The following GSTA2 variants were observed in gnomAD, a reference collection of about 807,000 sequenced individuals.
GSTA2 encodes glutathione S-transferase A2.
Under a neutral mutation model 22.4 loss-of-function variants are expected in GSTA2, and 27 were observed. The observed-to-expected ratio is 1.21, with a 90% CI of 0.89 to 1.67. The LOEUF is 1.67. Among genes scored for constraint, GSTA2 ranks in the 40% most tolerant of loss-of-function variants. GSTA2 has a pLI of 0.00. For synonymous variants in GSTA2, 121 were observed against 86.8 expected (o/e 1.39, Z -2.19); for missense variants, 302 against 260.2 (o/e 1.16, Z -1.11).
chr6:52,751,505 C>T (rs1175672015), intron 6 of GSTA2, 72 bp downstream of exon 6: 1 of 1,609,164 alleles, frequency 6.2e-7, no homozygotes, highest in Non-Finnish European at 8.5e-7. Flanking sequence ...ATGCTCAGTC[C>T]CAGGGCCCAG....
intron 1 of GSTA2, among the ~76,000 whole-genome samples, chr6:52,760,477 G>A (rs1407265624): frequency 6.6e-6 from 1 of 152,088 alleles, no homozygotes; most frequent in East Asian, 1.9e-4. Flanking sequence ...TCAATATCTA[G>A]GGAGTGTGTT....
At chr6:52,751,427 T>C (rs1204856206) in intron 6 of GSTA2, 150 bp downstream of exon 6, 5 of 1,514,858 alleles carry the variant, frequency 3.3e-6, no homozygotes, top group Admixed American at 2.1e-5. Flanking sequence ...TTCCTCAAAA[T>C]TGGAGCCTGG....
chr6:52,751,933 C>T (rs1214649594), intron 5 of GSTA2, among the ~76,000 whole-genome samples: 1 of 152,198 alleles, frequency 6.6e-6, no homozygotes, highest in African/African-American at 2.4e-5. Context: ...TCTTCTCATC[C>T]ACATCACTGT....
intron 1 of GSTA2, among the ~76,000 whole-genome samples, chr6:52,762,085 A>G (rs1445191326): frequency 6.6e-6 from 1 of 152,210 alleles, no homozygotes; most frequent in Non-Finnish European, 1.5e-5. Flanking sequence ...AGTCATCACT[A>G]TTCAGTAATG....
chr6:52,755,056 C>T lies in GSTA2; in HGVS notation c.159G>A (p.Gln53=), dbSNP rs1762815054. ...KLRNDGYLMF[Q]QVPMVEIDGM... ...CATCAATCTCAACCATTGGCACTTG[C>T]TGGAACATCAAATATCCATCTTTAA... The change falls in exon 4 of 7, where the codon CAG becomes CAA. Residue 53 remains glutamine, a synonymous_variant. Coordinates refer to ENST00000493422, the MANE Select transcript of GSTA2 (RefSeq NM_000846.5). 27 of 1,613,778 alleles carry T rather than the reference C, an allele frequency of 1.7e-5. No homozygotes were observed. Among genetic ancestry groups the T allele is most frequent in the Non-Finnish European group, 2.2e-5 (26 of 1,179,992 alleles).
rs952808489 is a variant in GSTA2 at position 52,752,766 on chromosome 6, G to A, written c.414+88C>T. 10 of 1,522,662 alleles carry A rather than the reference G, an allele frequency of 6.6e-6. No homozygotes were observed. In the African/African-American group the frequency reaches 9.6e-5, roughly 15 times the overall value. The allele number at this position is 1,522,662 out of a possible 1,614,324, so 94.3% of individuals were successfully genotyped here. On this transcript the variant is annotated intron_variant, in intron 5 of 6. Transcript: ENST00000493422. The stretch of plus-strand genomic sequence containing the variant: ...GTGTCCAGGAAGTATCACTGAAAGT[G>A]AAGATCAGTGCCCCAGGAATGCCCA...
At chr6:52,760,630 G>C (rs139420805) in intron 1 of GSTA2, among the ~76,000 whole-genome samples, 2 of 152,056 alleles carry the variant, frequency 1.3e-5, no homozygotes, top group Non-Finnish European at 2.9e-5. Context: ...TTGCAGGTCC[G>C]GAGCTTTTCC....
chr6:52,753,899 C>T (rs1245921383), intron 4 of GSTA2, among the ~76,000 whole-genome samples: 2 of 152,170 alleles, frequency 1.3e-5, no homozygotes, highest in Non-Finnish European at 1.5e-5. Flanking sequence ...CTCCTTTAGC[C>T]CCAGGCAATC....
At position 52,754,984 on chromosome 6, in the gene GSTA2, G is replaced by T. The variant is rs1271215122; in HGVS notation, c.231C>A (p.Ser77Arg). 6.2e-7 allele frequency: 1 copy of T among 1,614,032 alleles called. No homozygotes were observed. Among genetic ancestry groups the T allele is most frequent in the South Asian group, 1.1e-5 (1 of 91,078 alleles). The change falls in exon 4 of 7, where the codon AGC (serine) becomes AGA (arginine). Residue 77 changes from serine (S) to arginine (R), a missense_variant. Transcript: ENST00000493422. The stretch of plus-strand genomic sequence containing the variant: ...TGTCTTTCCCATAGAGGTTGTATTT[G>T]CTGGCAATGTAGTTGAGAATGGCTC... ...QTRAILNYIA[S>R]KYNLYGKDIK...
chr6:52,757,957 C>A lies in GSTA2; in HGVS notation c.-10G>T, dbSNP rs1803684. On this transcript the variant is annotated 5_prime_UTR_variant, in exon 2 of 7. Transcript: ENST00000493422. ...TGGGCTTCTCTGCCATGGTAGCAGTCTCCTGGAGGTTTCTCTAAGCCTGAG... is the reference window on the plus strand; with the variant it reads ...TGGGCTTCTCTGCCATGGTAGCAGTATCCTGGAGGTTTCTCTAAGCCTGAG... The A allele has an allele frequency of 2.5e-6, 4 of 1,601,884 alleles. No individual in the cohort carries two copies. Among genetic ancestry groups the A allele is most frequent in the South Asian group, 2.2e-5 (2 of 90,802 alleles).
At chr6:52,752,070 A>G (rs1157844941) in intron 5 of GSTA2, among the ~76,000 whole-genome samples, 1 of 152,078 alleles carries the variant, frequency 6.6e-6, no homozygotes, top group Admixed American at 6.6e-5. Context: ...GTGGCTCTAC[A>G]TTCTGCTGTC....
At position 52,751,718 on chromosome 6, in the gene GSTA2, G is replaced by T. The variant is rs1279423230; in HGVS notation, c.415-10C>A. ...CGTGGCTCTTTAAGACCTGGAGAAT[G>T]GGAGGAATCAGATCAGGAACACATG... On this transcript the variant is annotated splice_polypyrimidine_tract_variant and intron_variant, in intron 5 of 6. Transcript: ENST00000493422. 4.3e-6 allele frequency: 7 copies of T among 1,614,122 alleles called. No homozygotes were observed. The highest frequency in any genetic ancestry group is 4.0e-5 in the African/African-American group (3 of 75,054).
intron 1 of GSTA2, among the ~76,000 whole-genome samples, chr6:52,761,639 C>T (rs540512837): frequency 2.0e-5 from 3 of 150,532 alleles, no homozygotes; most frequent in African/African-American, 7.2e-5. Context: ...AGTGAATGTC[C>T]AAGCAGTGGG....
intron 1 of GSTA2, among the ~76,000 whole-genome samples, chr6:52,762,234 C>T (rs1264038299): frequency 2.0e-5 from 3 of 152,136 alleles, no homozygotes; most frequent in Admixed American, 2.0e-4. Flanking sequence ...GATAGTCCCC[C>T]AGCCCGACAC....
chr6:52,751,628 G>T lies in GSTA2; in HGVS notation c.495C>A (p.Tyr165Ter). Residue 165 changes from tyrosine to a stop codon, truncating the protein, a stop_gained, in exon 6 of 7, where the codon TAC becomes TAA. Transcript: ENST00000493422. LOFTEE classifies it high-confidence loss of function. ...RADIHLVELL[Y>*]YVEELDSSLI... ...GGCTAGAGTCAAGCTCTTCCACGTAGTAGAGAAGTTCCACCAGGTGAATGT... is the reference window on the plus strand; with the variant it reads ...GGCTAGAGTCAAGCTCTTCCACGTATTAGAGAAGTTCCACCAGGTGAATGT... 1.2e-6 allele frequency: 2 copies of T among 1,614,156 alleles called. No homozygotes were observed. Among genetic ancestry groups the T allele is most frequent in the Non-Finnish European group, 1.7e-6 (2 of 1,180,008 alleles).
At chr6:52,752,485 T>G (rs1762762394) in intron 5 of GSTA2, among the ~76,000 whole-genome samples, 1 of 152,236 alleles carries the variant, frequency 6.6e-6, no homozygotes, top group Non-Finnish European at 1.5e-5. Flanking sequence ...GAATGTTTTC[T>G]GATGGATCAC....
At position 52,758,492 on chromosome 6, in the gene GSTA2, A is replaced by G. The variant is rs1344031595; in HGVS notation, c.-30-515T>C. Among the ~76,000 whole-genome samples the G allele has an allele frequency of 3.3e-5, 5 of 152,138 alleles. No homozygotes were observed. In the South Asian group the frequency reaches 6.2e-4, roughly 19 times the overall value. On this transcript the variant is annotated intron_variant, in intron 1 of 6. Coordinates refer to ENST00000493422, the MANE Select transcript of GSTA2 (RefSeq NM_000846.5). ...TATCTACACCAAGGACTAAAATGAA[A>G]TCATGCCTGGAAGCCAGCTGGGTGA...
chr6:52,754,791 C>A (rs572292496), intron 4 of GSTA2, 152 bp downstream of exon 4: 211 of 984,916 alleles, frequency 2.1e-4, no homozygotes, highest in Non-Finnish European at 2.8e-4. Flanking sequence ...TCCCTCATCT[C>A]CATGGGACTC....
Position 52,752,990 on chromosome 6 carries a change from T to C in GSTA2, c.278A>G (p.Asp93Gly). ...GKDIKEKALI[D>G]MYIEGIADLG... ...ATCTGCTATACCTTCTATATACATA[T>C]CAATCCTGAAAGACAAAAACAACCA... The change falls in exon 5 of 7, where the codon GAT (aspartate) becomes GGT (glycine). Residue 93 changes from aspartate (D) to glycine (G), a missense_variant. By Grantham distance (94) the Asp-to-Gly change is moderately conservative (BLOSUM62 -1). Transcript: ENST00000493422. 6.3e-7 allele frequency: 1 copy of C among 1,595,704 alleles called. No individual in the cohort carries two copies. The highest frequency in any genetic ancestry group is 8.5e-7 in the Non-Finnish European group (1 of 1,172,286).
Sources: gnomAD v4.1 joint callset for allele counts (sites outside exome capture counted in the v4.1 genomes callset) on GRCh38, gnomAD v4.1.1 for gene constraint, MANE v1.5 for transcripts, NCBI Gene and HGNC (gene_info 2026-07-23, HGNC 2026-07-21) for gene names.